The following BOC variants were observed in gnomAD, a reference collection of about 807,000 sequenced individuals.
BOC encodes BOC cell adhesion associated, oncogene regulated, also known as brother of CDO.
Under a neutral mutation model 112.0 loss-of-function variants are expected in BOC, and 76 were observed. That is an observed-to-expected ratio of 0.68 (90% CI 0.56 to 0.82). The LOEUF (loss-of-function observed/expected upper bound fraction) is 0.82, where lower values mean the gene tolerates loss of function less well. BOC is among the 40% of genes least tolerant of loss of function. The probability of loss-of-function intolerance (pLI) is 0.00; values close to 1 mark genes in which losing one functional copy is unlikely to be tolerated. For synonymous variants in BOC, 580 were observed against 599.8 expected, an observed-to-expected ratio of 0.97 and a Z score of 0.48; for missense variants, 1,309 against 1,511.7, an observed-to-expected ratio of 0.87 and a Z score of 2.22.
At position 113,283,472 on chromosome 3, in the gene BOC, G is replaced by T; in HGVS notation, c.2496G>T (p.Pro832=). ...LPPPTLAPPQ[P]PLPETIERPV... ...CCCCAACTCTGGCCCCACCACAGCC[G>T]CCCCTTCCTGAAACCATAGAGCGGC... Residue 832 remains proline, a synonymous_variant, in exon 16 of 20, where the codon CCG becomes CCT. Transcript: ENST00000682979. 1 of 1,613,958 alleles carries T rather than the reference G, an allele frequency of 6.2e-7. No homozygotes were observed. Among genetic ancestry groups the T allele is most frequent in the Non-Finnish European group, 8.5e-7 (1 of 1,179,902 alleles).
chr3:113,253,639 A>G (rs1945891889), intron 4 of BOC, among the ~76,000 whole-genome samples: 1 of 152,096 alleles, frequency 6.6e-6, no homozygotes, highest in African/African-American at 2.4e-5. Flanking sequence ...AACATTTTTC[A>G]TGTACATCCA....
intron 4 of BOC, among the ~76,000 whole-genome samples, chr3:113,254,303 C>T (rs1386898738): frequency 6.6e-6 from 1 of 152,038 alleles, no homozygotes; most frequent in Non-Finnish European, 1.5e-5. Context: ...AGAAGAAGTG[C>T]TGAAAGTTGA....
Position 113,279,441 on chromosome 3 carries a change from C to A in BOC, c.2009C>A (p.Thr670Lys), listed in dbSNP as rs376888131. 2.5e-6 allele frequency: 4 copies of A among 1,613,992 alleles called. No individual in the cohort carries two copies. The highest frequency in any genetic ancestry group is 3.4e-6 in the Non-Finnish European group (4 of 1,179,996). The change falls in exon 12 of 20, where the codon ACG becomes AAG. Residue 670 changes from threonine (T) to lysine (K), a missense_variant. Coordinates refer to ENST00000682979, the MANE Select transcript of BOC (RefSeq NM_001378074.1). ...CCATCGCGGCTGTCCGTGGAGATCA[C>A]GGGCCTAGAGAAAGGTAGGGGCCTG... ...IPPSRLSVEI[T>K]GLEKGTSYKF...
At chr3:113,219,584 G>A (rs111437140) in intron 2 of BOC, among the ~76,000 whole-genome samples, 28 of 152,212 alleles carry the variant, frequency 1.8e-4, no homozygotes, top group Non-Finnish European at 2.8e-4. Context: ...AAAAAGAAAC[G>A]AAGCAAGCTT....
At chr3:113,223,381 C>G (rs771242520) in intron 2 of BOC, among the ~76,000 whole-genome samples, 1 of 152,218 alleles carries the variant, frequency 6.6e-6, no homozygotes, top group Admixed American at 6.5e-5. Context: ...CCACCAGGGT[C>G]CCCTATTATT....
chr3:113,226,530 C>G (rs1941686953), intron 2 of BOC, among the ~76,000 whole-genome samples: 1 of 152,180 alleles, frequency 6.6e-6, no homozygotes. Flanking sequence ...CCTTGAAAGT[C>G]AGGAAGTAAA....
intron 9 of BOC, among the ~76,000 whole-genome samples, chr3:113,276,334 T>G: frequency 6.6e-6 from 1 of 152,236 alleles, no homozygotes; most frequent in East Asian, 1.9e-4. Flanking sequence ...AGTGACTAAT[T>G]ACCCTTCTAT....
intron 2 of BOC, among the ~76,000 whole-genome samples, chr3:113,230,663 T>C (rs1942465668): frequency 6.6e-6 from 1 of 152,262 alleles, no homozygotes; most frequent in Non-Finnish European, 1.5e-5. Flanking sequence ...CAAATAATTT[T>C]ATTTAAGATT....
intron 2 of BOC, among the ~76,000 whole-genome samples, chr3:113,245,804 AG>A (rs1398246623): frequency 2.0e-5 from 3 of 152,198 alleles, no homozygotes; most frequent in African/African-American, 7.2e-5. Flanking sequence ...TCTCCTATTC[AG>A]CTCACCTTTG....
intron 12 of BOC, 106 bp downstream of exon 12, chr3:113,279,561 C>A: frequency 9.1e-7 from 1 of 1,097,796 alleles, no homozygotes; most frequent in South Asian, 1.5e-5. Context: ...CCCAGGCCCC[C>A]ACCCACCAGC....
Position 113,284,695 on chromosome 3 carries a change from G to A in BOC, c.2890-87G>A, listed in dbSNP as rs1949508728. On this transcript the variant is annotated intron_variant, in intron 17 of 19. Coordinates refer to ENST00000682979, the MANE Select transcript of BOC (RefSeq NM_001378074.1). ...GCTGGGCCAGGCTTTCTTTAGTCAGGAGCAGATGCTCCTGTTGTTGAGTGA... is the reference window on the plus strand; with the variant it reads ...GCTGGGCCAGGCTTTCTTTAGTCAGAAGCAGATGCTCCTGTTGTTGAGTGA... 6.6e-6 allele frequency: 10 copies of A among 1,522,936 alleles called. No individual in the cohort carries two copies. In the South Asian group the frequency reaches 1.0e-4, roughly 15 times the overall value. 94.3% of individuals were successfully genotyped at this position (1,522,936 alleles called of 1,614,324 possible).
At chr3:113,237,905 A>G (rs1943781091) in intron 2 of BOC, among the ~76,000 whole-genome samples, 1 of 152,204 alleles carries the variant, frequency 6.6e-6, no homozygotes, top group African/African-American at 2.4e-5. Context: ...ATGATGTGCC[A>G]AGGCTTTTCT....
chr3:113,285,403 T>C lies in BOC; in HGVS notation c.2998T>C (p.Phe1000Leu). 1 of 1,613,548 alleles carries C rather than the reference T, an allele frequency of 6.2e-7. No homozygotes were observed. Residue 1000 changes from phenylalanine to leucine, a missense_variant, in exon 19 of 20, where the codon TTC becomes CTC. Transcript: ENST00000682979. Reference sequence around the variant, plus strand: ...CAAGTCTAGCCCGGACGAGGGCTCTTTCTTATACACACTGCCCGACGACTC... The same window carrying C: ...CAAGTCTAGCCCGGACGAGGGCTCTCTCTTATACACACTGCCCGACGACTC... The part of the protein sequence containing the change: ...GPKSSPDEGS[F>L]LYTLPDDSTH...
chr3:113,266,656 C>T (rs1005926280), intron 4 of BOC, among the ~76,000 whole-genome samples: 6 of 152,200 alleles, frequency 3.9e-5, no homozygotes, highest in Non-Finnish European at 7.3e-5. Context: ...CATTAACATT[C>T]ATTCATTTAT....
rs1948823228 is a variant in BOC, at chr3:113,277,991, C to T, written c.1543-104C>T. 4 of 1,438,872 alleles carry T rather than the reference C, an allele frequency of 2.8e-6. No individual in the cohort carries two copies. The South Asian group carries it at 3.8e-5, about 14-fold the overall frequency. The allele number at this position is 1,438,872 out of a possible 1,614,324, so 89.1% of individuals were successfully genotyped here. On this transcript the variant is annotated intron_variant, in intron 9 of 19. Coordinates refer to ENST00000682979, the MANE Select transcript of BOC (RefSeq NM_001378074.1). Reference sequence around the variant, plus strand: ...CCCCAACCTGGCTTATCGTCCTTCCCCTTCTCCTGCCCTCTTGGGCTCAGC... The same window carrying T: ...CCCCAACCTGGCTTATCGTCCTTCCTCTTCTCCTGCCCTCTTGGGCTCAGC...
At chr3:113,273,490 A>C in intron 8 of BOC, 149 bp downstream of exon 8, 1 of 907,632 alleles carries the variant, frequency 1.1e-6, no homozygotes. Context: ...AATAAATCTG[A>C]AGTACAGATT....
intron 2 of BOC, among the ~76,000 whole-genome samples, chr3:113,236,320 A>ATATATATATATATATATATCT (rs1553726986): frequency 1.1e-5 from 1 of 93,834 alleles, no homozygotes; most frequent in Non-Finnish European, 2.7e-5. Context: ...ATACCCATGG[A>ATATATATATATATATATATCT]ATACTGCTCA....
At chr3:113,229,283 G>A (rs976944273) in intron 2 of BOC, among the ~76,000 whole-genome samples, 7 of 152,226 alleles carry the variant, frequency 4.6e-5, no homozygotes, top group South Asian at 4.1e-4. Context: ...GATGGCCAAC[G>A]GCTGTTCTAC....
chr3:113,248,373 C>T (rs1002571618), intron 2 of BOC, among the ~76,000 whole-genome samples: 3 of 152,258 alleles, frequency 2.0e-5, no homozygotes, highest in Non-Finnish European at 2.9e-5. Context: ...AGAAGCTTAA[C>T]TACTTCTGAG....
Sources: gnomAD v4.1 joint callset for allele counts (sites outside exome capture counted in the v4.1 genomes callset) on GRCh38, gnomAD v4.1.1 for gene constraint, MANE v1.5 for transcripts, NCBI Gene and HGNC (gene_info 2026-07-23, HGNC 2026-07-21) for gene names.